TMTC2: variants seen among roughly 807,000 people sequenced by gnomAD.
TMTC2 encodes transmembrane O-mannosyltransferase targeting cadherins 2.
A neutral mutation model predicts 82.4 loss-of-function variants in TMTC2; 43 were observed. The ratio of observed to expected loss-of-function variants is 0.52; its 90% CI spans 0.41 to 0.67. The LOEUF is 0.67. TMTC2 is among the 30% of genes least tolerant of loss of function. TMTC2 has a pLI of 0.00. For missense variants in TMTC2, 919 were observed against 1,012.4 expected (o/e 0.91, Z 1.25); for synonymous variants, 408 against 381.9 (o/e 1.07, Z -0.80).
At chr12:82,880,410 G>T (rs561573481) in intron 2 of TMTC2, among the ~76,000 whole-genome samples, 71 of 152,256 alleles carry the variant, frequency 4.7e-4, no homozygotes, top group African/African-American at 1.7e-3. Context: ...TGTGTTTTCT[G>T]CACTTCTGAA....
At chr12:83,039,248 A>C (rs1881797815) in intron 9 of TMTC2, among the ~76,000 whole-genome samples, 1 of 152,110 alleles carries the variant, frequency 6.6e-6, no homozygotes, top group African/African-American at 2.4e-5. Flanking sequence ...CAAGCATCTT[A>C]ATCTATTGTT....
chr12:83,030,145 A>C (rs1213257967), intron 8 of TMTC2, among the ~76,000 whole-genome samples: 2 of 152,164 alleles, frequency 1.3e-5, no homozygotes, highest in Non-Finnish European at 2.9e-5. Flanking sequence ...ATAAGCTGTA[A>C]AGGGTGCAAA....
At chr12:82,700,194 T>G (rs12425493) in intron 1 of TMTC2, among the ~76,000 whole-genome samples, 5,022 of 152,256 alleles carry the variant, frequency 0.033, 187 homozygotes, top group East Asian at 0.12. Flanking sequence ...TCCTTTATCC[T>G]CTGTTCTCTC....
At chr12:82,894,251 T>C (rs966592260) in intron 2 of TMTC2, among the ~76,000 whole-genome samples, 14 of 152,188 alleles carry the variant, frequency 9.2e-5, no homozygotes, top group African/African-American at 2.7e-4. Flanking sequence ...GTCATTAGTG[T>C]ACATTAAGGA....
At chr12:82,800,850 G>T (rs1380247014) in intron 1 of TMTC2, among the ~76,000 whole-genome samples, 1 of 152,082 alleles carries the variant, frequency 6.6e-6, no homozygotes, top group Non-Finnish European at 1.5e-5. Context: ...ATTTGTGTGT[G>T]GCTTAGAGCT....
chr12:82,875,473 C>G (rs1385470906), intron 2 of TMTC2, among the ~76,000 whole-genome samples: 1 of 152,010 alleles, frequency 6.6e-6, no homozygotes, highest in African/African-American at 2.4e-5. Context: ...CTCATTTTTC[C>G]TACTCCATAT....
At chr12:83,042,377 C>A (rs1317298136) in intron 9 of TMTC2, among the ~76,000 whole-genome samples, 3 of 152,174 alleles carry the variant, frequency 2.0e-5, no homozygotes, top group South Asian at 2.1e-4. Context: ...GGCTGCTCAC[C>A]TCTGGATCTC....
At chr12:82,731,251 G>A (rs766343795) in intron 1 of TMTC2, among the ~76,000 whole-genome samples, 15 of 152,346 alleles carry the variant, frequency 9.8e-5, no homozygotes, top group African/African-American at 2.9e-4. Context: ...GTTGTGTTGC[G>A]TAACCTAACA....
In TMTC2 at chr12:82,687,476, A is replaced by G. The variant is rs1488086386; in HGVS notation, c.-111A>G. 2 of 1,045,302 alleles carry G rather than the reference A, an allele frequency of 1.9e-6. No individual in the cohort carries two copies. Among genetic ancestry groups the G allele is most frequent in the Non-Finnish European group, 2.8e-6 (2 of 706,576 alleles). The allele number at this position is 1,045,302 out of a possible 1,614,324, so 64.8% of individuals were successfully genotyped here. A position where few individuals can be genotyped will look rare whatever the true frequency, so the allele number is the denominator to read the frequency against. ...GAGGGAGGGTGGGGAAGCGAGGGAA[A>G]AGTGAAGCTGGGAGGAGAAGGCGGC... On this transcript the variant is annotated 5_prime_UTR_variant, in exon 1 of 12. Transcript: ENST00000321196.
chr12:83,095,453 G>A (rs576669857), intron 11 of TMTC2, among the ~76,000 whole-genome samples: 49 of 152,102 alleles, frequency 3.2e-4, no homozygotes, highest in African/African-American at 1.1e-3. Flanking sequence ...TGTTAGCCAG[G>A]ATGGTCTTGG....
intron 3 of TMTC2, among the ~76,000 whole-genome samples, chr12:82,905,294 C>G (rs1020166573): frequency 6.6e-6 from 1 of 152,120 alleles, no homozygotes; most frequent in African/African-American, 2.4e-5. Flanking sequence ...GTATATATGG[C>G]AGCACATCTG....
chr12:82,920,556 C>A (rs983953787), intron 3 of TMTC2, among the ~76,000 whole-genome samples: 3 of 152,046 alleles, frequency 2.0e-5, no homozygotes, highest in African/African-American at 7.2e-5. Flanking sequence ...AAATGGATAC[C>A]TTTTAGAGGT....
rs74106157 is a variant in TMTC2, at chr12:82,878,733, G to A, written c.655-17085G>A. Reference sequence around the variant, plus strand: ...TATCATAGATTGTTGAAGAAGAGTAGTAATTAAAAATATAAATGAATGAGC... The same window carrying A: ...TATCATAGATTGTTGAAGAAGAGTAATAATTAAAAATATAAATGAATGAGC... On this transcript the variant is annotated intron_variant, in intron 2 of 11. Transcript: ENST00000321196. 6.0e-3 allele frequency among the ~76,000 whole-genome samples: 920 copies of A among 152,140 alleles called. 8 individuals are homozygous for A. The highest frequency in any genetic ancestry group is 0.021 in the African/African-American group (872 of 41,496).
intron 2 of TMTC2, among the ~76,000 whole-genome samples, chr12:82,866,384 A>T (rs769709415): frequency 6.6e-6 from 1 of 152,220 alleles, no homozygotes; most frequent in Non-Finnish European, 1.5e-5. Context: ...ATACAGGAAG[A>T]TAGAAAAAAC....
chr12:83,075,263 A>T (rs1883247993), intron 11 of TMTC2, among the ~76,000 whole-genome samples: 2 of 152,090 alleles, frequency 1.3e-5, no homozygotes, highest in Admixed American at 1.3e-4. Flanking sequence ...CACTTCCTTC[A>T]AAGGGTCTGT....
intron 1 of TMTC2, among the ~76,000 whole-genome samples, chr12:82,770,584 AG>A (rs1028970704): frequency 6.6e-6 from 1 of 152,050 alleles, no homozygotes; most frequent in African/African-American, 2.4e-5. Context: ...GAGAAAAACC[AG>A]GGGGAAGATT....
At position 82,876,066 on chromosome 12, in the gene TMTC2, G is replaced by GTGGTGGTGA. The variant is rs1379806817; in HGVS notation, c.654+18488_654+18489insGTGGTGATG. On this transcript the variant is annotated intron_variant, in intron 2 of 11. Coordinates refer to ENST00000321196, the MANE Select transcript of TMTC2 (RefSeq NM_152588.3). ...GGTGGTGGTGGTGGTGGTGGTGGTG[G>GTGGTGGTGA]TGATGATGATGATGGTGATTAGTAT... 3.5e-4 allele frequency among the ~76,000 whole-genome samples: 35 copies of GTGGTGGTGA among 101,120 alleles called. 1 individual carries two copies. The highest frequency in any genetic ancestry group is 6.3e-4 in the Non-Finnish European group (31 of 48,856). 66.3% of individuals were successfully genotyped at this position (101,120 alleles called of 152,430 possible).
chr12:83,031,610 G>A (rs1487165692), intron 9 of TMTC2, among the ~76,000 whole-genome samples: 1 of 152,200 alleles, frequency 6.6e-6, no homozygotes, highest in African/African-American at 2.4e-5. Flanking sequence ...GGGGGAAAAT[G>A]TGGTTTTTTG....
intron 8 of TMTC2, among the ~76,000 whole-genome samples, chr12:83,001,172 A>T (rs1879904010): frequency 1.3e-5 from 2 of 152,292 alleles, no homozygotes; most frequent in East Asian, 3.9e-4. Context: ...CTCGTTACTT[A>T]TGCCAATTCC....
Sources: allele counts gnomAD v4.1 joint callset (sites outside exome capture counted in the v4.1 genomes callset), GRCh38; gene constraint gnomAD v4.1.1; transcripts MANE v1.5; gene names NCBI Gene and HGNC (gene_info 2026-07-23, HGNC 2026-07-21).